Variants in MAPK8IP3 observed in about 807,000 individuals in gnomAD.
MAPK8IP3 encodes the protein C-Jun-amino-terminal kinase-interacting protein 3.
In MAPK8IP3, 49 loss-of-function variants were observed where a neutral mutation model predicts 157.8. The observed-to-expected ratio is 0.31, with a 90% CI of 0.25 to 0.39. MAPK8IP3 has a LOEUF of 0.39. Among genes scored for constraint, MAPK8IP3 ranks in the 10% least tolerant of loss-of-function variants. MAPK8IP3 has a pLI of 1.00. For synonymous variants in MAPK8IP3, 897 were observed against 777.7 expected, an observed-to-expected ratio of 1.15 and a Z score of -2.55; for missense variants, 1,478 against 1,889.4, an observed-to-expected ratio of 0.78 and a Z score of 4.04.
chr16:1,770,340 T>C lies in MAPK8IP3; in HGVS notation c.*1516T>C, dbSNP rs2575328. 1 allele frequency: 324,636 copies of C among 324,892 alleles called. 162,190 individuals carry two copies. Among genetic ancestry groups the C allele is most frequent in the Middle Eastern group, 1 (1,232 of 1,232 alleles). The allele number at this position is 324,892 out of a possible 1,614,324, so 20.1% of individuals were successfully genotyped here. On this transcript the variant is annotated 3_prime_UTR_variant, in exon 32 of 32. Coordinates refer to ENST00000610761, the MANE Select transcript of MAPK8IP3 (RefSeq NM_001318852.2). ...GTAGCTGCCTGTTCCTGGGCCCAAA[T>C]CGAAACGAAAACGAGGACTTTATTA... is the stretch of plus-strand genomic sequence containing the variant.
chr16:1,756,758 G>A (rs2141900415), intron 8 of MAPK8IP3, among the ~76,000 whole-genome samples: 1 of 152,058 alleles, frequency 6.6e-6, no homozygotes, highest in East Asian at 1.9e-4. Context: ...GGAGGTCAAC[G>A]TTGCAGTAAG....
chr16:1,749,388 CCA>C (rs1220081057), intron 8 of MAPK8IP3, among the ~76,000 whole-genome samples: 2 of 152,218 alleles, frequency 1.3e-5, no homozygotes, highest in African/African-American at 4.8e-5. Context: ...TGCTCTGTGC[CCA>C]TTAGCCTCGC....
In MAPK8IP3 at chr16:1,710,869, C is replaced by G. The variant is rs1275435301; in HGVS notation, c.318+4212C>G. 6.6e-6 allele frequency among the ~76,000 whole-genome samples: 1 copy of G among 152,208 alleles called. No homozygotes were observed. The highest frequency in any genetic ancestry group is 1.9e-4 in the East Asian group (1 of 5,186). On this transcript the variant is annotated intron_variant, in intron 1 of 31. Transcript: ENST00000610761. The surrounding 1 kb of genome is among the most constrained non-coding windows in gnomAD (Gnocchi z 4.1). ...GCCTCTGAAAGCTGGCCTGGTGTAG[C>G]TGTACCACTCACCAGGAGTACAGCA...
chr16:1,755,413 C>T (rs1217925100), intron 8 of MAPK8IP3, among the ~76,000 whole-genome samples: 4 of 152,162 alleles, frequency 2.6e-5, no homozygotes, highest in Admixed American at 6.5e-5. Context: ...GTCCTAGCTA[C>T]TTGGGCGTCT....
chr16:1,747,109 G>A lies in MAPK8IP3; in HGVS notation c.828G>A (p.Thr276=), dbSNP rs369212166. ...TPSTTGTKSN[T]PTSSVPSAAV... ...GCACCACAGGCACCAAGTCCAACAC[G>A]CCCACATCCTCCGTGCCCTCGGCCG... The change falls in exon 6 of 32, where the codon ACG becomes ACA. Residue 276 remains threonine (T), a synonymous_variant. Coordinates refer to ENST00000610761, the MANE Select transcript of MAPK8IP3 (RefSeq NM_001318852.2). 10 of 1,613,732 alleles carry A rather than the reference G, an allele frequency of 6.2e-6. No homozygotes were observed. The highest frequency in any genetic ancestry group is 4.0e-5 in the African/African-American group (3 of 74,912).
intron 2 of MAPK8IP3, among the ~76,000 whole-genome samples, chr16:1,726,019 G>A (rs1237957980): frequency 6.6e-6 from 1 of 152,232 alleles, no homozygotes; most frequent in Non-Finnish European, 1.5e-5. Flanking sequence ...ATCGGCTGCG[G>A]TTTCCCTAGC....
chr16:1,711,213 A>C (rs1475178567), intron 1 of MAPK8IP3, among the ~76,000 whole-genome samples: 1 of 152,258 alleles, frequency 6.6e-6, no homozygotes, highest in East Asian at 1.9e-4. Context: ...TCCCAAGTGC[A>C]GGCGTCTTCC....
At chr16:1,755,589 C>CT (rs1163295753) in intron 8 of MAPK8IP3, among the ~76,000 whole-genome samples, 1 of 152,130 alleles carries the variant, frequency 6.6e-6, no homozygotes, top group African/African-American at 2.4e-5. Context: ...TGGCTCATGC[C>CT]TGTAATCCCA....
rs537352969 is a variant in MAPK8IP3, at chr16:1,724,818, T to A, written c.439+141T>A. On this transcript the variant is annotated intron_variant, in intron 2 of 31. Transcript: ENST00000610761. This position sits in a 1 kb window ranked among gnomAD's most constrained non-coding sequence, Gnocchi z 4.1. The stretch of plus-strand genomic sequence containing the variant: ...GAGCCTCAGCCATGTATTCCAGCTC[T>A]TTGTACTGCTGCCTGTTTCTGTAAT... The A allele has an allele frequency of 8.1e-6, 9 of 1,110,532 alleles. No homozygotes were observed. In the South Asian group the frequency reaches 1.4e-4, roughly 18 times the overall value. 68.8% of individuals were successfully genotyped at this position (1,110,532 alleles called of 1,614,324 possible). A position where few individuals can be genotyped will look rare whatever the true frequency, so the allele number is the denominator to read the frequency against.
intron 13 of MAPK8IP3, among the ~76,000 whole-genome samples, 177 bp from the exon 14 acceptor site, chr16:1,762,174 A>G (rs898857846): frequency 6.6e-6 from 1 of 152,206 alleles, no homozygotes. Flanking sequence ...GTCCTGGTGC[A>G]TGCCTTTTGT....
intron 8 of MAPK8IP3, among the ~76,000 whole-genome samples, chr16:1,753,597 T>C (rs1234366581): frequency 1.3e-5 from 2 of 151,954 alleles, no homozygotes; most frequent in African/African-American, 4.8e-5. Context: ...CCTGCCACCA[T>C]GCCCGGCTAA....
chr16:1,737,665 CGT>C (rs2040104973), intron 4 of MAPK8IP3, among the ~76,000 whole-genome samples: 3 of 59,594 alleles, frequency 5.0e-5, no homozygotes, highest in Non-Finnish European at 9.1e-5. Context: ...TGTGAGCGTC[CGT>C]GTGAGCGTGT....
At chr16:1,744,573 C>T (rs543611313) in intron 5 of MAPK8IP3, 5 of 985,664 alleles carry the variant, frequency 5.1e-6, no homozygotes, top group East Asian at 2.3e-4. Flanking sequence ...AGCCCTGCCA[C>T]CTGGGCCCAC....
intron 1 of MAPK8IP3, among the ~76,000 whole-genome samples, chr16:1,709,310 T>C (rs1388748277): frequency 6.6e-6 from 1 of 151,366 alleles, no homozygotes; most frequent in Non-Finnish European, 1.5e-5. Context: ...AGCCGTGGAG[T>C]CTGCAGACCC....
chr16:1,733,007 G>A (rs764055808), intron 4 of MAPK8IP3, among the ~76,000 whole-genome samples: 5 of 152,264 alleles, frequency 3.3e-5, no homozygotes, highest in Non-Finnish European at 5.9e-5. Flanking sequence ...TGGCATGCAC[G>A]CTGGGACATC....
At chr16:1,761,626 G>A (rs1237736292) in intron 13 of MAPK8IP3, among the ~76,000 whole-genome samples, 15 of 117,478 alleles carry the variant, frequency 1.3e-4, no homozygotes, top group African/African-American at 3.3e-4. Context: ...TCACAGGCGG[G>A]GCGGCCACCA....
rs150124949 is a variant in MAPK8IP3, at chr16:1,731,355, C to G, written c.602+1777C>G. ...AAAAGAAAGAAAGGGAATCAGTACT[C>G]AGAGCACTTAACAGTCCTTTGCAGA... On this transcript the variant is annotated intron_variant, in intron 4 of 31. Coordinates refer to ENST00000610761, the MANE Select transcript of MAPK8IP3 (RefSeq NM_001318852.2). Among the ~76,000 whole-genome samples the G allele has an allele frequency of 1.7e-3, 264 of 152,294 alleles. 1 individual carries two copies. Among genetic ancestry groups the G allele is most frequent in the Middle Eastern group, 0.014 (4 of 294 alleles).
chr16:1,713,276 G>T (rs1394961810), intron 1 of MAPK8IP3, among the ~76,000 whole-genome samples: 1 of 152,218 alleles, frequency 6.6e-6, no homozygotes, highest in Admixed American at 6.5e-5. Context: ...CGGAGATGAG[G>T]TCTCGCCACG....
At chr16:1,720,389 A>G (rs904488552) in intron 1 of MAPK8IP3, among the ~76,000 whole-genome samples, 2 of 152,198 alleles carry the variant, frequency 1.3e-5, no homozygotes, top group African/African-American at 4.8e-5. Flanking sequence ...ATAAAGAGAT[A>G]ATGGATTGAG....
Sources: gnomAD v4.1 joint callset for allele counts (sites outside exome capture counted in the v4.1 genomes callset) on GRCh38, gnomAD v4.1.1 for gene constraint, Gnocchi (gnomAD v3.1) non-coding constraint, MANE v1.5 for transcripts, NCBI Gene and HGNC (gene_info 2026-07-23, HGNC 2026-07-21) for gene names.